PDE11A: variants seen among roughly 807,000 people sequenced by gnomAD.
The protein encoded by PDE11A is dual 3',5'-cyclic-AMP and -GMP phosphodiesterase 11A.
PDE11A carries 100 observed loss-of-function variants against 100.5 expected under a neutral mutation model. The observed-to-expected ratio is 1.00, with a 90% CI of 0.85 to 1.18. The LOEUF (loss-of-function observed/expected upper bound fraction) is 1.18. Ranked by LOEUF, PDE11A falls within the 50% of genes most tolerant of loss-of-function variation. The probability of loss-of-function intolerance (pLI) is 0.00; values close to 1 mark genes in which losing one functional copy is unlikely to be tolerated. For missense variants in PDE11A, 1,141 were observed against 1,152.6 expected, an observed-to-expected ratio of 0.99 and a Z score of 0.15; for synonymous variants, 381 against 420.8, an observed-to-expected ratio of 0.91 and a Z score of 1.16.
chr2:177,803,903 T>C (rs143005342), intron 9 of PDE11A, among the ~76,000 whole-genome samples: 1 of 151,798 alleles, frequency 6.6e-6, no homozygotes, highest in Non-Finnish European at 1.5e-5. Context: ...AAGACAAGGA[T>C]AACCATATGC....
intron 2 of PDE11A, among the ~76,000 whole-genome samples, chr2:177,984,097 C>G (rs10186953): frequency 1.3e-5 from 2 of 152,172 alleles, no homozygotes; most frequent in South Asian, 4.2e-4. Context: ...TCTTGCTGTG[C>G]AATTGTTGGA....
chr2:178,020,759 C>T (rs530156511), intron 1 of PDE11A, among the ~76,000 whole-genome samples: 3 of 152,034 alleles, frequency 2.0e-5, no homozygotes, highest in Admixed American at 6.6e-5. Flanking sequence ...GATTGCGCCA[C>T]TGCACTCCAG....
At chr2:177,760,374 T>A (rs1352243485) in intron 10 of PDE11A, among the ~76,000 whole-genome samples, 4 of 152,202 alleles carry the variant, frequency 2.6e-5, no homozygotes, top group Non-Finnish European at 4.4e-5. Context: ...TCCTCATGAG[T>A]ATTATTATAT....
At chr2:177,938,134 G>C (rs1163736245) in intron 2 of PDE11A, among the ~76,000 whole-genome samples, 1 of 152,174 alleles carries the variant, frequency 6.6e-6, no homozygotes, top group Non-Finnish European at 1.5e-5. Flanking sequence ...GGTTGGAAGG[G>C]AGGAGGGAAG....
chr2:177,706,855 T>C (rs2081287495), intron 13 of PDE11A, among the ~76,000 whole-genome samples: 1 of 151,914 alleles, frequency 6.6e-6, no homozygotes, highest in Non-Finnish European at 1.5e-5. Flanking sequence ...TGTTGTTCAG[T>C]CTTATACAAG....
chr2:177,695,954 T>C (rs2081105700), intron 15 of PDE11A, among the ~76,000 whole-genome samples: 1 of 152,092 alleles, frequency 6.6e-6, no homozygotes, highest in Admixed American at 6.6e-5. Context: ...GTCAGGAAGA[T>C]GGCGAGTGGA....
At chr2:178,041,438 T>G (rs1176705770) in intron 1 of PDE11A, among the ~76,000 whole-genome samples, 1 of 151,072 alleles carries the variant, frequency 6.6e-6, no homozygotes, top group Non-Finnish European at 1.5e-5. Flanking sequence ...GAGATGGGGT[T>G]TAACCATAGT....
At chr2:177,759,173 GCACACACA>G (rs10541503) in intron 10 of PDE11A, among the ~76,000 whole-genome samples, 9 of 147,518 alleles carry the variant, frequency 6.1e-5, no homozygotes, top group African/African-American at 2.3e-4. Context: ...TGGAGCACGT[GCACACACA>G]CACACACACA....
intron 5 of PDE11A, among the ~76,000 whole-genome samples, chr2:177,875,584 T>C (rs2105695121): frequency 6.6e-6 from 1 of 151,968 alleles, no homozygotes; most frequent in South Asian, 2.1e-4. Context: ...CATTTCACCA[T>C]GTTAGCCAGG....
chr2:177,980,220 G>A (rs889530437), intron 2 of PDE11A, among the ~76,000 whole-genome samples: 4 of 150,212 alleles, frequency 2.7e-5, no homozygotes, highest in East Asian at 1.9e-4. Context: ...AGTCTATCCC[G>A]ATATTCCCAA....
intron 9 of PDE11A, among the ~76,000 whole-genome samples, chr2:177,795,935 CTATATATATATATATA>C (rs55861102): frequency 0.014 from 970 of 67,258 alleles, 39 homozygotes; most frequent in East Asian, 0.064. Context: ...TTTGTTTAAA[CTATATATATATATATA>C]TATATATATA....
chr2:177,686,420 A>G (rs1468885723), intron 15 of PDE11A, among the ~76,000 whole-genome samples: 1 of 152,130 alleles, frequency 6.6e-6, no homozygotes, highest in Non-Finnish European at 1.5e-5. Flanking sequence ...TACAAAAATT[A>G]GCTACATGTG....
At chr2:177,953,603 A>C (rs1259869685) in intron 2 of PDE11A, among the ~76,000 whole-genome samples, 3 of 152,170 alleles carry the variant, frequency 2.0e-5, no homozygotes, top group Non-Finnish European at 4.4e-5. Flanking sequence ...TGTTGAGTAC[A>C]AGCTGCTACT....
intron 4 of PDE11A, among the ~76,000 whole-genome samples, chr2:177,895,304 G>C (rs1251053309): frequency 6.6e-6 from 1 of 152,212 alleles, no homozygotes; most frequent in South Asian, 2.1e-4. Context: ...TGCAATACTA[G>C]TACTTTGGGA....
At chr2:177,939,305 AGAAGAAAGGAAGGAAAAAAG>A (rs1416297583) in intron 2 of PDE11A, among the ~76,000 whole-genome samples, 3 of 151,684 alleles carry the variant, frequency 2.0e-5, no homozygotes, top group Non-Finnish European at 2.9e-5. Flanking sequence ...TATTACCAAA[AGAAGAAAGGAAGGAAAAAAG>A]GAAGAAAGGA....
chr2:177,711,930 A>G (rs1180583358), intron 12 of PDE11A, 52 bp from the exon 13 acceptor site: 1 of 935,970 alleles, frequency 1.1e-6, no homozygotes, highest in South Asian at 1.3e-5. Flanking sequence ...CGGAGGATGG[A>G]TAAGGTTAGG....
At position 177,727,712 on chromosome 2, in the gene PDE11A, G is replaced by A. The variant is rs761539383; in HGVS notation, c.1989C>T (p.Tyr663=). The A allele has an allele frequency of 6.2e-6, 10 of 1,612,250 alleles. No homozygotes were observed. In the South Asian group the frequency reaches 1.1e-4, roughly 18 times the overall value. ...CGTTGAAGGCATGTCTCCAGTTGTG[G>A]TATAGAACCATCCGATAGTTTTTCC... ...TVRKNYRMVL[Y]HNWRHAFNVC... The change falls in exon 12 of 20, where the codon TAC becomes TAT. Residue 663 remains tyrosine, a synonymous_variant. Transcript: ENST00000286063.
chr2:177,745,498 T>G (rs1446959791), intron 10 of PDE11A, among the ~76,000 whole-genome samples: 1 of 152,160 alleles, frequency 6.6e-6, no homozygotes, highest in East Asian at 1.9e-4. Context: ...CCTAGAATCC[T>G]TATTTCTTAA....
At chr2:177,694,951 C>A (rs1481139070) in intron 15 of PDE11A, among the ~76,000 whole-genome samples, 1 of 151,982 alleles carries the variant, frequency 6.6e-6, no homozygotes, top group Admixed American at 6.6e-5. Flanking sequence ...ATTCTAACAA[C>A]AGTTTTTAGT....
Sources: gnomAD v4.1 joint callset for allele counts (sites outside exome capture counted in the v4.1 genomes callset) on GRCh38, gnomAD v4.1.1 for gene constraint, MANE v1.5 for transcripts, NCBI Gene and HGNC (gene_info 2026-07-23, HGNC 2026-07-21) for gene names.